Variants in CNTN6 observed in about 807,000 individuals in gnomAD.
CNTN6 encodes contactin-6.
In CNTN6, 137 loss-of-function variants were observed where a neutral mutation model predicts 122.8. The observed-to-expected ratio is 1.12, with a 90% CI of 0.97 to 1.29. The LOEUF is 1.29. CNTN6 is among the 50% of genes most tolerant of loss of function. CNTN6 has a pLI of 0.00. For synonymous variants in CNTN6, 570 were observed against 426.0 expected (o/e 1.34, Z -4.16); for missense variants, 1,634 against 1,223.4 (o/e 1.34, Z -5.01).
intron 8 of CNTN6, among the ~76,000 whole-genome samples, chr3:1,324,375 C>G (rs115814285): frequency 0.032 from 4,811 of 149,776 alleles, 181 homozygotes; most frequent in South Asian, 0.058. Context: ...TTACTTCAGC[C>G]ACTGCTACGG....
At chr3:1,185,985 T>C (rs941820410) in intron 2 of CNTN6, among the ~76,000 whole-genome samples, 1 of 152,170 alleles carries the variant, frequency 6.6e-6, no homozygotes, top group Non-Finnish European at 1.5e-5. Flanking sequence ...ATTCACCTAC[T>C]ACATCCAAAA....
intron 4 of CNTN6, among the ~76,000 whole-genome samples, chr3:1,235,324 T>C (rs2094407520): frequency 6.6e-6 from 1 of 152,160 alleles, no homozygotes; most frequent in African/African-American, 2.4e-5. Context: ...TTTGACAAAC[T>C]GTTTCAAGGA....
intron 21 of CNTN6, 91 bp downstream of exon 21, chr3:1,401,636 A>AT: frequency 1.3e-6 from 1 of 755,518 alleles, no homozygotes; most frequent in Middle Eastern, 2.4e-4. Flanking sequence ...TTGGATGCAT[A>AT]TGGAAACACT....
chr3:1,188,235 G>C (rs2093655848), intron 2 of CNTN6, among the ~76,000 whole-genome samples: 1 of 152,148 alleles, frequency 6.6e-6, no homozygotes, highest in East Asian at 1.9e-4. Context: ...AACTGGAGGG[G>C]AATGCTTGCA....
intron 12 of CNTN6, among the ~76,000 whole-genome samples, chr3:1,363,853 C>A (rs1456273436): frequency 6.6e-6 from 1 of 151,876 alleles, no homozygotes. Context: ...TCCATAATAG[C>A]TGTACCAATA....
At position 1,296,844 on chromosome 3, in the gene CNTN6, A is replaced by G. The variant is rs533156266; in HGVS notation, c.658+1040A>G. Among the ~76,000 whole-genome samples, 186 of 152,190 alleles carry G rather than the reference A, an allele frequency of 1.2e-3. 1 individual carries two copies. The highest frequency in any genetic ancestry group is 3.4e-3 in the Middle Eastern group (1 of 294). The stretch of plus-strand genomic sequence containing the variant: ...CAACAATATACTTGGAGATTCTACC[A>G]TGTTTTTCCTTTTTTTGTTTCCTGT... On this transcript the variant is annotated intron_variant, in intron 6 of 22. Coordinates refer to ENST00000446702, the MANE Select transcript of CNTN6 (RefSeq NM_001289080.2).
At chr3:1,333,357 C>T (rs550025115) in intron 11 of CNTN6, among the ~76,000 whole-genome samples, 1 of 152,074 alleles carries the variant, frequency 6.6e-6, no homozygotes, top group Admixed American at 6.6e-5. Flanking sequence ...ACGCTGAGCC[C>T]AGTACACATT....
chr3:1,156,603 TCTTTC>T (rs1210437560), intron 2 of CNTN6, among the ~76,000 whole-genome samples: 3 of 150,050 alleles, frequency 2.0e-5, no homozygotes, highest in Non-Finnish European at 4.4e-5. Context: ...TTTCTTTCTT[TCTTTC>T]TTTTTCTTTT....
intron 1 of CNTN6, among the ~76,000 whole-genome samples, chr3:1,105,084 G>A (rs1179381887): frequency 4.6e-5 from 7 of 152,076 alleles, no homozygotes; most frequent in Admixed American, 3.3e-4. Context: ...AAAAATGTGA[G>A]TGTGTATATT....
At chr3:1,196,603 T>C (rs1353821) in intron 2 of CNTN6, among the ~76,000 whole-genome samples, 44,508 of 152,056 alleles carry the variant, frequency 0.29, 8,706 homozygotes, top group African/African-American at 0.56. Flanking sequence ...GCAAAGCTCT[T>C]GGACCAAGAC....
chr3:1,325,347 G>T (rs1191450760), intron 8 of CNTN6, among the ~76,000 whole-genome samples: 1 of 151,804 alleles, frequency 6.6e-6, no homozygotes, highest in African/African-American at 2.4e-5. Flanking sequence ...GCTCATGTTT[G>T]ATTTATGCTT....
chr3:1,401,853 C>A (rs931037183), intron 21 of CNTN6, among the ~76,000 whole-genome samples: 18 of 151,824 alleles, frequency 1.2e-4, no homozygotes, highest in Non-Finnish European at 2.5e-4. Flanking sequence ...ACAATGAGAT[C>A]AAAAAATATA....
chr3:1,295,680 G>A lies in CNTN6; in HGVS notation c.534G>A (p.Thr178=), dbSNP rs147605007. 1.4e-5 allele frequency: 22 copies of A among 1,613,846 alleles called. No homozygotes were observed. The highest frequency in any genetic ancestry group is 5.3e-5 in the African/African-American group (4 of 74,920). ...ATAGGCGATTTGTATCTCAAGAGAC[G>A]GGAAACTTGTACATTGCCAAAGTGG... ...EDNRRFVSQE[T]GNLYIAKVEP... The change falls in exon 6 of 23, where the codon ACG becomes ACA. Residue 178 remains threonine, a synonymous_variant. Coordinates refer to ENST00000446702, the MANE Select transcript of CNTN6 (RefSeq NM_001289080.2).
chr3:1,386,725 T>G (rs949041953), intron 20 of CNTN6, among the ~76,000 whole-genome samples: 4 of 152,064 alleles, frequency 2.6e-5, no homozygotes, highest in South Asian at 2.1e-4. Flanking sequence ...TCCTGATGAA[T>G]GAAAGATAAC....
intron 1 of CNTN6, among the ~76,000 whole-genome samples, chr3:1,128,619 A>G (rs752400111): frequency 2.6e-5 from 4 of 152,018 alleles, no homozygotes; most frequent in African/African-American, 4.8e-5. Context: ...CATTGAGTTT[A>G]GAAACTAAGA....
chr3:1,331,136 C>G (rs980845606), intron 11 of CNTN6, among the ~76,000 whole-genome samples: 1 of 151,928 alleles, frequency 6.6e-6, no homozygotes, highest in Non-Finnish European at 1.5e-5. Flanking sequence ...GTGGTTATAA[C>G]TGCTGCCTTG....
rs184697324 is a variant in CNTN6 at position 1,156,575 on chromosome 3, G to T, written c.55+8512G>T. 1.0e-3 allele frequency among the ~76,000 whole-genome samples: 154 copies of T among 152,200 alleles called. 1 individual carries two copies. The highest frequency in any genetic ancestry group is 3.5e-3 in the African/African-American group (144 of 41,552). On this transcript the variant is annotated intron_variant, in intron 2 of 22. Coordinates refer to ENST00000446702, the MANE Select transcript of CNTN6 (RefSeq NM_001289080.2). ...CTTGATAGTGGGCAAAGGAAGAAAC[G>T]ATATTTGAGTCTCAGACTTTCTTTC... is the stretch of plus-strand genomic sequence containing the variant.
At chr3:1,212,825 G>C (rs973249870) in intron 2 of CNTN6, among the ~76,000 whole-genome samples, 6 of 151,992 alleles carry the variant, frequency 3.9e-5, no homozygotes, top group Non-Finnish European at 8.8e-5. Context: ...ATTACAGTAT[G>C]AGAAAAATCT....
intron 2 of CNTN6, among the ~76,000 whole-genome samples, chr3:1,169,094 G>T (rs764587758): frequency 6.6e-6 from 1 of 152,042 alleles, no homozygotes; most frequent in Non-Finnish European, 1.5e-5. Flanking sequence ...ATGAAATGAG[G>T]AAGAAGGAAG....
Sources: allele counts gnomAD v4.1 joint callset (sites outside exome capture counted in the v4.1 genomes callset), GRCh38; gene constraint gnomAD v4.1.1; transcripts MANE v1.5; gene names NCBI Gene and HGNC (gene_info 2026-07-23, HGNC 2026-07-21).